SMC6: variants seen among roughly 807,000 people sequenced by gnomAD.
The protein encoded by SMC6 is structural maintenance of chromosomes 6.
Under a neutral mutation model 142.2 loss-of-function variants are expected in SMC6, and 79 were observed. The observed-to-expected ratio is 0.56, with a 90% CI of 0.46 to 0.67. The LOEUF (loss-of-function observed/expected upper bound fraction) is 0.67, where lower values mean the gene tolerates loss of function less well. Ranked by LOEUF, SMC6 falls within the 30% of genes least tolerant of loss-of-function variation. SMC6 has a pLI of 0.00. For missense variants in SMC6, 1,072 were observed against 1,284.0 expected (o/e 0.83, Z 2.52); for synonymous variants, 411 against 412.4 (o/e 1.00, Z 0.04).
intron 3 of SMC6, among the ~76,000 whole-genome samples, chr2:17,744,880 G>A (rs1670660598): frequency 6.6e-6 from 1 of 152,148 alleles, no homozygotes; most frequent in Admixed American, 6.5e-5. Flanking sequence ...GAATCACAAT[G>A]ATTGATTTTT....
chr2:17,741,521 T>C (rs1670471497), intron 4 of SMC6, 91 bp downstream of exon 4: 1 of 711,172 alleles, frequency 1.4e-6, no homozygotes, highest in Admixed American at 2.6e-5. Context: ...AAAATACTTA[T>C]TAGCACTAAT....
At chr2:17,692,787 C>T (rs1307307723) in intron 23 of SMC6, among the ~76,000 whole-genome samples, 3 of 151,998 alleles carry the variant, frequency 2.0e-5, no homozygotes, top group South Asian at 2.1e-4. Flanking sequence ...AATGGGAGAA[C>T]GTTTTTGCAA....
At chr2:17,752,420 G>C (rs1332354160) in intron 2 of SMC6, among the ~76,000 whole-genome samples, 6 of 152,174 alleles carry the variant, frequency 3.9e-5, no homozygotes, top group Non-Finnish European at 8.8e-5. Flanking sequence ...TCCCTTGATT[G>C]AGTCCACGGA....
chr2:17,717,304 G>C (rs1014611252), intron 12 of SMC6, 128 bp from the exon 13 acceptor site: 3 of 570,520 alleles, frequency 5.3e-6, no homozygotes, highest in Non-Finnish European at 5.9e-6. Flanking sequence ...GCACAAAATG[G>C]CCATTTGAAA....
At chr2:17,667,704 G>C (rs186306671) in intron 26 of SMC6, among the ~76,000 whole-genome samples, 12 of 152,220 alleles carry the variant, frequency 7.9e-5, no homozygotes, top group Non-Finnish European at 7.4e-5. Flanking sequence ...ACAAAAATTA[G>C]CCGGGCATGG....
intron 23 of SMC6, 91 bp from the exon 24 acceptor site, chr2:17,683,854 G>A: frequency 8.1e-7 from 1 of 1,233,598 alleles, no homozygotes; most frequent in South Asian, 1.3e-5. Context: ...GGGAAGAACA[G>A]GGAGGGGCAG....
intron 7 of SMC6, among the ~76,000 whole-genome samples, chr2:17,727,102 T>C (rs1669664791): frequency 6.6e-6 from 1 of 152,250 alleles, no homozygotes; most frequent in South Asian, 2.1e-4. Flanking sequence ...TGAATGAAAC[T>C]ACCTTTGCCT....
intron 2 of SMC6, among the ~76,000 whole-genome samples, chr2:17,747,660 A>G (rs1245455072): frequency 6.6e-6 from 1 of 152,056 alleles, no homozygotes; most frequent in Admixed American, 6.5e-5. Context: ...GCGTGCCACC[A>G]TGCCCAGCTA....
chr2:17,737,988 T>C lies in SMC6; in HGVS notation c.344+233A>G, dbSNP rs141433793. On this transcript the variant is annotated intron_variant, in intron 5 of 27. Transcript: ENST00000448223. ...CTTTCAGCAAGTAACAGAAGCAAGA[T>C]GGCCAGGCACAGGGCAATAGGTTAC... Among the ~76,000 whole-genome samples the C allele has an allele frequency of 4.7e-3, 718 of 152,238 alleles. 8 individuals are homozygous for C. The highest frequency in any genetic ancestry group is 0.016 in the African/African-American group (673 of 41,532).
At chr2:17,734,682 T>C (rs1383790142) in intron 5 of SMC6, among the ~76,000 whole-genome samples, 7 of 152,204 alleles carry the variant, frequency 4.6e-5, no homozygotes, top group Admixed American at 2.6e-4. Context: ...CTATCTTTAG[T>C]ACAGTGAGAA....
chr2:17,689,374 TG>T (rs1667599231), intron 23 of SMC6, among the ~76,000 whole-genome samples: 1 of 152,204 alleles, frequency 6.6e-6, no homozygotes, highest in Non-Finnish European at 1.5e-5. Flanking sequence ...CCGTCAACAT[TG>T]GAACTGGACT....
intron 23 of SMC6, among the ~76,000 whole-genome samples, chr2:17,687,277 C>G (rs924247213): frequency 3.9e-5 from 6 of 152,132 alleles, no homozygotes; most frequent in East Asian, 1.9e-4. Context: ...TACATGTGTG[C>G]GTGCATGTGC....
intron 9 of SMC6, among the ~76,000 whole-genome samples, chr2:17,724,047 G>C (rs1196809003): frequency 6.6e-6 from 1 of 151,992 alleles, no homozygotes; most frequent in Admixed American, 6.6e-5. Context: ...GTATACCATG[G>C]AGAAAATAAG....
intron 26 of SMC6, 68 bp downstream of exon 26, chr2:17,670,350 ATTTCC>A: frequency 6.8e-7 from 1 of 1,461,710 alleles, no homozygotes; most frequent in Non-Finnish European, 9.3e-7. Flanking sequence ...CTAAAGAAAG[ATTTCC>A]TTCCTTTAGA....
intron 23 of SMC6, among the ~76,000 whole-genome samples, chr2:17,693,309 C>G (rs1372254499): frequency 6.6e-6 from 1 of 152,154 alleles, no homozygotes; most frequent in Non-Finnish European, 1.5e-5. Context: ...CCCAAATGTC[C>G]ATCAATGATA....
intron 4 of SMC6, among the ~76,000 whole-genome samples, chr2:17,738,656 A>G (rs1225030409): frequency 2.0e-5 from 3 of 152,174 alleles, no homozygotes; most frequent in Admixed American, 6.5e-5. Flanking sequence ...TAAATGAATC[A>G]TCCCTCTATT....
At chr2:17,666,338 T>C in intron 27 of SMC6, 82 bp downstream of exon 27, 2 of 995,722 alleles carry the variant, frequency 2.0e-6, no homozygotes, top group South Asian at 2.9e-5. Context: ...TATGTATTTG[T>C]ATTTTAAAAA....
chr2:17,692,262 A>C (rs1407449845), intron 23 of SMC6, among the ~76,000 whole-genome samples: 2 of 152,212 alleles, frequency 1.3e-5, no homozygotes, highest in African/African-American at 4.8e-5. Flanking sequence ...ATCCTAAGCC[A>C]AAAGAACAAA....
chr2:17,668,725 G>A (rs1307902917), intron 26 of SMC6, among the ~76,000 whole-genome samples: 1 of 152,082 alleles, frequency 6.6e-6, no homozygotes, highest in Non-Finnish European at 1.5e-5. Flanking sequence ...TGAAAGATGA[G>A]TAGAGTGACA....
Sources: allele counts gnomAD v4.1 joint callset (sites outside exome capture counted in the v4.1 genomes callset), GRCh38; gene constraint gnomAD v4.1.1; transcripts MANE v1.5; gene names NCBI Gene and HGNC (gene_info 2026-07-23, HGNC 2026-07-21).